The following SOBP variants were observed in gnomAD, a reference collection of about 807,000 sequenced individuals.
SOBP encodes the protein sine oculis binding protein homolog, also known as sine oculis-binding protein homolog.
SOBP carries 4 observed loss-of-function variants against 53.6 expected under a neutral mutation model. That is an observed-to-expected ratio of 0.07 (90% confidence interval 0.04 to 0.17). The LOEUF (loss-of-function observed/expected upper bound fraction) is 0.17. Ranked by LOEUF, SOBP falls within the 10% of genes least tolerant of loss-of-function variation. The pLI is 1.00. For synonymous variants in SOBP, 584 were observed against 522.6 expected (o/e 1.12, Z -1.60); for missense variants, 1,088 against 1,204.7 (o/e 0.90, Z 1.43).
At chr6:107,519,420 C>A (rs1444523087) in intron 3 of SOBP, among the ~76,000 whole-genome samples, 1 of 152,176 alleles carries the variant, frequency 6.6e-6, no homozygotes, top group African/African-American at 2.4e-5. Flanking sequence ...CTCTTGTGCT[C>A]CTCTTCAAGT....
At chr6:107,532,516 C>A (rs1264422574) in intron 3 of SOBP, among the ~76,000 whole-genome samples, 4 of 152,202 alleles carry the variant, frequency 2.6e-5, no homozygotes, top group South Asian at 2.1e-4. Context: ...CTAATTGACT[C>A]ACTTTAAAAT....
intron 2 of SOBP, 25 bp downstream of exon 2, chr6:107,503,820 T>C: frequency 6.2e-7 from 1 of 1,613,008 alleles, no homozygotes; most frequent in Non-Finnish European, 8.5e-7. Context: ...TGTCCTTTTG[T>C]TCATGCAAAG....
intron 6 of SOBP, among the ~76,000 whole-genome samples, chr6:107,644,568 T>C (rs1267383661): frequency 6.6e-6 from 1 of 152,186 alleles, no homozygotes; most frequent in East Asian, 1.9e-4. Context: ...CCATTTAAGC[T>C]TTGGAGGTTA....
intron 5 of SOBP, among the ~76,000 whole-genome samples, chr6:107,616,773 G>A (rs879734104): frequency 1.3e-5 from 2 of 152,228 alleles, no homozygotes; most frequent in Admixed American, 6.5e-5. Context: ...TGTAATCTCC[G>A]AAGCAGCGGA....
At chr6:107,639,046 G>A (rs1227520274) in intron 6 of SOBP, among the ~76,000 whole-genome samples, 1 of 152,132 alleles carries the variant, frequency 6.6e-6, no homozygotes, top group Non-Finnish European at 1.5e-5. Context: ...GGGATTACAG[G>A]CACATGCCAC....
intron 3 of SOBP, among the ~76,000 whole-genome samples, chr6:107,525,645 T>C (rs1410702431): frequency 6.6e-6 from 1 of 152,264 alleles, no homozygotes; most frequent in Non-Finnish European, 1.5e-5. Context: ...CTTTTGATAA[T>C]TGATTTCATC....
chr6:107,530,545 A>G (rs1158706166), intron 3 of SOBP, among the ~76,000 whole-genome samples: 1 of 152,138 alleles, frequency 6.6e-6, no homozygotes, highest in East Asian at 1.9e-4. Context: ...TTACTAATAT[A>G]AAAGACTTTT....
chr6:107,616,084 T>TGGG (rs576223347), intron 5 of SOBP, among the ~76,000 whole-genome samples: 1,612 of 62,422 alleles, frequency 0.026, 22 homozygotes, highest in Non-Finnish European at 0.038. Context: ...GGAAGGGGGG[T>TGGG]GGGGGGGGGG....
chr6:107,629,789 A>G (rs967684115), intron 5 of SOBP, among the ~76,000 whole-genome samples: 4 of 152,234 alleles, frequency 2.6e-5, no homozygotes, highest in Admixed American at 2.6e-4. Flanking sequence ...AGCCACCCAA[A>G]TATAAATACT....
intron 5 of SOBP, among the ~76,000 whole-genome samples, chr6:107,597,707 T>C (rs1785997584): frequency 6.6e-6 from 1 of 152,228 alleles, no homozygotes; most frequent in South Asian, 2.1e-4. Flanking sequence ...TTTTGATTTT[T>C]AAACAATGTT....
intron 5 of SOBP, among the ~76,000 whole-genome samples, chr6:107,627,092 C>G (rs1290325213): frequency 6.6e-6 from 1 of 152,160 alleles, no homozygotes; most frequent in Non-Finnish European, 1.5e-5. Flanking sequence ...TAGTTTCCAT[C>G]TGGATGATTT....
At position 107,634,846 on chromosome 6, in the gene SOBP, A is replaced by T; in HGVS notation, c.2002A>T (p.Ile668Phe). ...CCACCGAGCCCGGCTGCACAACGTG[A>T]TCCACCGCGCGCTGCACGCGCACGT... is the stretch of plus-strand genomic sequence containing the variant. ...VGHRARLHNV[I>F]HRALHAHVKA... Residue 668 changes from isoleucine (I) to phenylalanine (F), a missense_variant, in exon 6 of 7, where the codon ATC (isoleucine) becomes TTC (phenylalanine). By Grantham distance (21) the Ile-to-Phe change is conservative. This residue lies in a region of SOBP where 665 missense variants were observed against 629.7 expected (regional missense o/e 1.06). Transcript: ENST00000317357. The surrounding 1 kb of genome is among the most constrained non-coding windows in gnomAD (Gnocchi z 4.5). The T allele has an allele frequency of 7.1e-7, 1 of 1,400,490 alleles. No homozygotes were observed. The highest frequency in any genetic ancestry group is 9.3e-7 in the Non-Finnish European group (1 of 1,073,036). 86.8% of individuals were successfully genotyped at this position (1,400,490 alleles called of 1,614,324 possible). A position where few individuals can be genotyped will look rare whatever the true frequency, so the allele number is the denominator to read the frequency against.
chr6:107,617,820 CTTTTTTTTTTTT>C (rs71551315), intron 5 of SOBP, among the ~76,000 whole-genome samples: 5 of 101,188 alleles, frequency 4.9e-5, no homozygotes, highest in African/African-American at 1.9e-4. Flanking sequence ...TGTATGACTC[CTTTTTTTTTTTT>C]TTTTTTTTTT....
At chr6:107,491,347 A>G (rs1782576484) in intron 1 of SOBP, among the ~76,000 whole-genome samples, 1 of 150,626 alleles carries the variant, frequency 6.6e-6, no homozygotes. Context: ...CTCACTTCCC[A>G]GCCAAGCAGA....
At chr6:107,617,747 AG>A (rs1046408082) in intron 5 of SOBP, among the ~76,000 whole-genome samples, 1 of 151,052 alleles carries the variant, frequency 6.6e-6, no homozygotes, top group Admixed American at 6.6e-5. Flanking sequence ...TGATCATCCC[AG>A]GGCCAAGCCC....
intron 5 of SOBP, 137 bp from the exon 6 acceptor site, chr6:107,633,377 T>C: frequency 9.0e-7 from 1 of 1,109,448 alleles, no homozygotes; most frequent in Non-Finnish European, 1.4e-6. Context: ...GAATTTTACC[T>C]TTTAGAAGGA....
chr6:107,524,283 A>T (rs990927559), intron 3 of SOBP, among the ~76,000 whole-genome samples: 1 of 152,094 alleles, frequency 6.6e-6, no homozygotes, highest in African/African-American at 2.4e-5. Flanking sequence ...TATCACGTTC[A>T]TTTGTGGACT....
chr6:107,622,491 T>C (rs1335947868), intron 5 of SOBP, among the ~76,000 whole-genome samples: 1 of 152,178 alleles, frequency 6.6e-6, no homozygotes, highest in African/African-American at 2.4e-5. Flanking sequence ...AACAAAGACA[T>C]TAGCAGGAAC....
rs1344455584 is a variant in SOBP at position 107,490,728 on chromosome 6, G to A, written c.96+16G>A. ...GGAGATGAAGGTATTTTTTGATCTCGGGGGCCAGGGAGACTGAGCTCTTTC... is the reference window on the plus strand; with the variant it reads ...GGAGATGAAGGTATTTTTTGATCTCAGGGGCCAGGGAGACTGAGCTCTTTC... On this transcript the variant is annotated intron_variant, in intron 1 of 6. Coordinates refer to ENST00000317357, the MANE Select transcript of SOBP (RefSeq NM_018013.4). The A allele has an allele frequency of 2.6e-6, 4 of 1,557,966 alleles. No homozygotes were observed. Among genetic ancestry groups the A allele is most frequent in the Admixed American group, 1.8e-5 (1 of 54,984 alleles).
Sources: gnomAD v4.1 joint callset for allele counts (sites outside exome capture counted in the v4.1 genomes callset) on GRCh38, gnomAD v4.1.1 for gene constraint, gnomAD v4.1.1 regional missense constraint, Gnocchi (gnomAD v3.1) non-coding constraint, MANE v1.5 for transcripts, NCBI Gene and HGNC (gene_info 2026-07-23, HGNC 2026-07-21) for gene names.